GRM7: variants seen among roughly 807,000 people sequenced by gnomAD.
GRM7 encodes the protein metabotropic glutamate receptor 7.
In GRM7, 35 loss-of-function variants were observed where a neutral mutation model predicts 84.5. The observed-to-expected ratio is 0.41, with a 90% CI of 0.32 to 0.55. The LOEUF is 0.55. GRM7 is among the 20% of genes least tolerant of loss of function. GRM7 has a pLI of 0.19. For synonymous variants in GRM7, 487 were observed against 455.1 expected (o/e 1.07, Z -0.89); for missense variants, 1,003 against 1,194.6 (o/e 0.84, Z 2.36).
At chr3:6,868,492 C>T (rs1188895890) in intron 1 of GRM7, among the ~76,000 whole-genome samples, 1 of 152,110 alleles carries the variant, frequency 6.6e-6, no homozygotes, top group Non-Finnish European at 1.5e-5. Context: ...CTTGTTCTCC[C>T]TTATACAACA....
chr3:7,241,205 A>G (rs1318104528), intron 2 of GRM7, among the ~76,000 whole-genome samples: 1 of 152,204 alleles, frequency 6.6e-6, no homozygotes, highest in African/African-American at 2.4e-5. Context: ...TTCAATGGAT[A>G]GAACATAACT....
intron 2 of GRM7, among the ~76,000 whole-genome samples, chr3:7,294,925 T>A (rs1469986235): frequency 6.6e-6 from 1 of 152,246 alleles, no homozygotes; most frequent in African/African-American, 2.4e-5. Flanking sequence ...CATTCTTTTA[T>A]CAAACATATA....
At chr3:7,708,024 T>C (rs1445980945) in intron 9 of GRM7, among the ~76,000 whole-genome samples, 2 of 151,014 alleles carry the variant, frequency 1.3e-5, no homozygotes, top group African/African-American at 4.9e-5. Context: ...TGAGTGCTTA[T>C]AAAATTGGGA....
chr3:6,983,625 G>A (rs962820695), intron 1 of GRM7, among the ~76,000 whole-genome samples: 1 of 152,002 alleles, frequency 6.6e-6, no homozygotes, highest in African/African-American at 2.4e-5. Context: ...TTTTGCCAGA[G>A]CCCTACAAAC....
At chr3:7,635,764 T>G (rs1398089485) in intron 8 of GRM7, among the ~76,000 whole-genome samples, 2 of 152,128 alleles carry the variant, frequency 1.3e-5, no homozygotes, top group Non-Finnish European at 2.9e-5. Flanking sequence ...ACCTCAAACC[T>G]GGGGACTCAA....
chr3:7,228,440 T>G (rs982649887), intron 2 of GRM7, among the ~76,000 whole-genome samples: 2 of 152,134 alleles, frequency 1.3e-5, no homozygotes, highest in Admixed American at 6.6e-5. Context: ...ATTCAGGAAT[T>G]TCAGAACACA....
In GRM7 at chr3:7,578,722, A is replaced by G; in HGVS notation, c.1816A>G (p.Ile606Val). 2.5e-6 allele frequency: 4 copies of G among 1,614,038 alleles called. 1 individual carries two copies. Among genetic ancestry groups the G allele is most frequent in the East Asian group, 4.5e-5 (2 of 44,860 alleles). Residue 606 changes from isoleucine (I) to valine (V), a missense_variant, in exon 8 of 10, where the codon ATC becomes GTC. Around this residue, in one of 2 missense-constraint regions of GRM7, gnomAD observed 910 missense variants for 1,126.0 expected, o/e 0.81. Transcript: ENST00000357716. ...FLAMLGIIAT[I>V]FVMATFIRYN... ...GGCAATGTTGGGGATCATTGCCACC[A>G]TCTTTGTCATGGCCACTTTCATCCG...
intron 2 of GRM7, among the ~76,000 whole-genome samples, chr3:7,198,041 G>T (rs918204483): frequency 3.3e-5 from 5 of 151,810 alleles, no homozygotes; most frequent in Non-Finnish European, 7.4e-5. Context: ...GTTTTGTTTT[G>T]GAAGTAGTGG....
Position 7,165,976 on chromosome 3 carries a change from A to G in GRM7, c.736+19308A>G, listed in dbSNP as rs184655807. The stretch of plus-strand genomic sequence containing the variant: ...ATATGTTATTTCTTTAATGTTAAAG[A>G]GAAAAACTTGACTTTCATCAATATG... On this transcript the variant is annotated intron_variant, in intron 2 of 9. Transcript: ENST00000357716. Among the ~76,000 whole-genome samples the G allele has an allele frequency of 5.5e-4, 84 of 152,328 alleles. 1 individual carries two copies. The highest frequency in any genetic ancestry group is 1.9e-3 in the African/African-American group (78 of 41,582).
At chr3:6,895,135 G>T (rs1696128506) in intron 1 of GRM7, among the ~76,000 whole-genome samples, 1 of 152,142 alleles carries the variant, frequency 6.6e-6, no homozygotes, top group South Asian at 2.1e-4. Flanking sequence ...ATCCACAGCA[G>T]GAGACAGGAC....
At chr3:6,904,055 T>C (rs1696484368) in intron 1 of GRM7, among the ~76,000 whole-genome samples, 1 of 152,160 alleles carries the variant, frequency 6.6e-6, no homozygotes, top group African/African-American at 2.4e-5. Context: ...ATCGTCTACG[T>C]GTCACTTCTT....
At chr3:7,522,369 C>A (rs943329745) in intron 7 of GRM7, among the ~76,000 whole-genome samples, 5 of 152,068 alleles carry the variant, frequency 3.3e-5, no homozygotes, top group Non-Finnish European at 7.4e-5. Flanking sequence ...TCTGCTTCAA[C>A]AATTCTCCCA....
chr3:6,882,503 A>G (rs1030080868), intron 1 of GRM7, among the ~76,000 whole-genome samples: 1 of 152,058 alleles, frequency 6.6e-6, no homozygotes, highest in African/African-American at 2.4e-5. Flanking sequence ...CTATAGTTGC[A>G]CCACTGCCCC....
intron 7 of GRM7, among the ~76,000 whole-genome samples, chr3:7,517,687 T>C (rs1482565673): frequency 6.6e-6 from 1 of 152,158 alleles, no homozygotes; most frequent in East Asian, 1.9e-4. Flanking sequence ...GCCACCATGC[T>C]TCCCTAGTTA....
chr3:7,500,340 C>T (rs370997040), intron 7 of GRM7, among the ~76,000 whole-genome samples: 9 of 152,318 alleles, frequency 5.9e-5, no homozygotes, highest in Admixed American at 2.0e-4. Flanking sequence ...TTAGAGGTGT[C>T]ATCCCCTTCA....
rs137928060 is a variant in GRM7 at position 6,891,497 on chromosome 3, A to C, written c.519+29590A>C. Among the ~76,000 whole-genome samples, 754 of 152,230 alleles carry C rather than the reference A, an allele frequency of 5.0e-3. 6 individuals carry two copies. Among genetic ancestry groups the C allele is most frequent in the African/African-American group, 0.017 (696 of 41,534 alleles). ...TATTTCTCCTTCACTTATGAGGCTTAGTTTGGCTGGATATGAAAATCTGGG... is the reference window on the plus strand; with the variant it reads ...TATTTCTCCTTCACTTATGAGGCTTCGTTTGGCTGGATATGAAAATCTGGG... On this transcript the variant is annotated intron_variant, in intron 1 of 9. Transcript: ENST00000357716.
intron 7 of GRM7, among the ~76,000 whole-genome samples, chr3:7,521,766 T>C (rs1018619299): frequency 6.6e-6 from 1 of 152,116 alleles, no homozygotes; most frequent in Non-Finnish European, 1.5e-5. Context: ...ACTGCTATGC[T>C]CTTTAGATAA....
intron 8 of GRM7, among the ~76,000 whole-genome samples, chr3:7,674,270 C>T (rs1050746159): frequency 6.6e-6 from 1 of 151,810 alleles, no homozygotes; most frequent in Admixed American, 6.6e-5. Flanking sequence ...TGGCTCACTG[C>T]AACCTCTGCC....
intron 1 of GRM7, among the ~76,000 whole-genome samples, chr3:7,128,787 C>T (rs537797273): frequency 6.6e-6 from 1 of 151,794 alleles, no homozygotes; most frequent in South Asian, 2.1e-4. Context: ...GGATTGCAGG[C>T]GTAAGCCACC....
Sources: allele counts gnomAD v4.1 joint callset (sites outside exome capture counted in the v4.1 genomes callset), GRCh38; gene constraint gnomAD v4.1.1; regional missense constraint gnomAD v4.1.1; transcripts MANE v1.5; gene names NCBI Gene and HGNC (gene_info 2026-07-23, HGNC 2026-07-21).